Variants in CELSR3 observed in about 807,000 individuals in gnomAD.
CELSR3 encodes EGF-like protein 1.
In CELSR3, 73 loss-of-function variants were observed where a neutral mutation model predicts 270.0. The ratio of observed to expected loss-of-function variants is 0.27; its 90% confidence interval spans 0.22 to 0.33. The LOEUF (loss-of-function observed/expected upper bound fraction) is 0.33. CELSR3 is among the 10% of genes least tolerant of loss of function. CELSR3 has a pLI of 1.00. For missense variants in CELSR3, 3,614 were observed against 4,533.8 expected, an observed-to-expected ratio of 0.80 and a Z score of 5.83; for synonymous variants, 1,780 against 1,905.4, an observed-to-expected ratio of 0.93 and a Z score of 1.71.
In CELSR3 at chr3:48,650,433, A is replaced by AGGGGGGGGGGGGGGGGGGGGGGGGG; in HGVS notation, c.6472+46_6472+47insCCCCCCCCCCCCCCCCCCCCCCCCC. 6.5e-6 allele frequency: 6 copies of AGGGGGGGGGGGGGGGGGGGGGGGGG among 927,816 alleles called. No individual in the cohort carries two copies. Among genetic ancestry groups the AGGGGGGGGGGGGGGGGGGGGGGGGG allele is most frequent in the Non-Finnish European group, 8.4e-6 (5 of 598,392 alleles). 57.5% of individuals were successfully genotyped at this position (927,816 alleles called of 1,614,324 possible). Reference sequence around the variant, plus strand: ...GACATGGCTCTAGCAGTCAGAGTACAGGCCCACCCCCACCCTCAGTGATGT... The same window carrying AGGGGGGGGGGGGGGGGGGGGGGGGG: ...GACATGGCTCTAGCAGTCAGAGTACAGGGGGGGGGGGGGGGGGGGGGGGGGGGCCCACCCCCACCCTCAGTGATGT... On this transcript the variant is annotated intron_variant, in intron 16 of 34. Coordinates refer to ENST00000164024, the MANE Select transcript of CELSR3 (RefSeq NM_001407.3). This position sits in a 1 kb window ranked among gnomAD's most constrained non-coding sequence, Gnocchi z 5.1.
At position 48,653,754 on chromosome 3, in the gene CELSR3, G is replaced by T. The variant is rs756759591; in HGVS notation, c.5313C>A (p.Gly1771=). ...CACTTCCAAAGTTCCAGCTCAGTGT[G>T]CCGTTGCCACGGAAATGGTGGGGAT... ...MAHPHHFRGN[G]TLSWNFGSDM... The change falls in exon 9 of 35, where the codon GGC becomes GGA. Residue 1771 remains glycine (G), a synonymous_variant. Coordinates refer to ENST00000164024, the MANE Select transcript of CELSR3 (RefSeq NM_001407.3). This position sits in a 1 kb window ranked among gnomAD's most constrained non-coding sequence, Gnocchi z 6.5. The T allele has an allele frequency of 6.2e-7, 1 of 1,614,200 alleles. No homozygotes were observed. The highest frequency in any genetic ancestry group is 2.2e-5 in the East Asian group (1 of 44,892).
Position 48,651,193 on chromosome 3 carries a change from C to T in CELSR3, c.6187-118G>A, listed in dbSNP as rs888490830. 12 of 1,436,856 alleles carry T rather than the reference C, an allele frequency of 8.4e-6. No individual in the cohort carries two copies. Among genetic ancestry groups the T allele is most frequent in the Admixed American group, 5.8e-5 (3 of 51,322 alleles). The allele number at this position is 1,436,856 out of a possible 1,614,324, so 89.0% of individuals were successfully genotyped here. ...TGGGCCAGAGGACACCTGGGTCATG[C>T]GTGAAGCCAAGGGAGGGGTCACGGG... On this transcript the variant is annotated intron_variant, in intron 14 of 34. Transcript: ENST00000164024. This position sits in a 1 kb window ranked among gnomAD's most constrained non-coding sequence, Gnocchi z 7.4.
In CELSR3 at chr3:48,656,768, T is replaced by A. The variant is rs746146160; in HGVS notation, c.4329A>T (p.Pro1443=). ...GCGCGCAGGCTCCGCCGTTGCGACA[T>A]GGGTTGGAGTAGCAGAGGTCGAGCT... ...ETELDLCYSN[P]CRNGGACARR... Residue 1443 remains proline (P), a synonymous_variant, in exon 2 of 35, where the codon CCA becomes CCT. Coordinates refer to ENST00000164024, the MANE Select transcript of CELSR3 (RefSeq NM_001407.3). The A allele has an allele frequency of 1.9e-6, 3 of 1,562,972 alleles. No homozygotes were observed. Among genetic ancestry groups the A allele is most frequent in the Non-Finnish European group, 2.6e-6 (3 of 1,154,868 alleles).
chr3:48,640,433 T>A lies in CELSR3; in HGVS notation c.9152A>T (p.Tyr3051Phe). ...AVPAASYGRI[Y>F]AGGGTGSLSQ... The stretch of plus-strand genomic sequence containing the variant: ...AAGGCTGCCCGTGCCCCCGCCAGCA[T>A]AGATGCGACCGTAAGAGGCAGCTGG... The change falls in exon 34 of 35, where the codon TAT (tyrosine) becomes TTT (phenylalanine). Residue 3051 changes from tyrosine (Y) to phenylalanine (F), a missense_variant. This residue lies in a region of CELSR3 where 1,240 missense variants were observed against 1,351.7 expected (regional missense o/e 0.92). Coordinates refer to ENST00000164024, the MANE Select transcript of CELSR3 (RefSeq NM_001407.3). This position sits in a 1 kb window ranked among gnomAD's most constrained non-coding sequence, Gnocchi z 7.5. 1 of 1,612,562 alleles carries A rather than the reference T, an allele frequency of 6.2e-7. No individual in the cohort carries two copies. The highest frequency in any genetic ancestry group is 1.1e-5 in the South Asian group (1 of 91,072).
chr3:48,643,152 G>A (rs1033017541), intron 28 of CELSR3, 69 bp from the exon 29 acceptor site: 1 of 1,025,714 alleles, frequency 9.7e-7, no homozygotes, highest in Middle Eastern at 2.1e-4. Flanking sequence ...GTCACTGTGG[G>A]TCAGCAATGG....
chr3:48,656,297 A>G lies in CELSR3; in HGVS notation c.4468T>C (p.Cys1490Arg). Residue 1490 changes from cysteine to arginine, a missense_variant, in exon 3 of 35, where the codon TGC becomes CGC. Around this residue, in one of 7 missense-constraint regions of CELSR3, gnomAD observed 1,331 missense variants for 1,933.7 expected, o/e 0.69. Transcript: ENST00000164024. ...AAGCCGCCGTTGGGCGCGTCGGTGC[A>G]GGTGCCCCCGTTGCGGCAGACGCCC... is the stretch of plus-strand genomic sequence containing the variant. ...VPGVCRNGGT[C>R]TDAPNGGFRC... 1.3e-6 allele frequency: 2 copies of G among 1,511,642 alleles called. No individual in the cohort carries two copies. Among genetic ancestry groups the G allele is most frequent in the Non-Finnish European group, 1.8e-6 (2 of 1,138,354 alleles). The allele number at this position is 1,511,642 out of a possible 1,614,324, so 93.6% of individuals were successfully genotyped here.
rs1246739773 is a variant in CELSR3, at chr3:48,662,702, TCGGGCCCCCTCC to T, written c.-80_-69del. 8.1e-6 allele frequency: 5 copies of T among 617,582 alleles called. No homozygotes were observed. The Admixed American group carries it at 2.8e-4, about 35-fold the overall frequency. The allele number at this position is 617,582 out of a possible 1,614,324, so 38.3% of individuals were successfully genotyped here. A position where few individuals can be genotyped will look rare whatever the true frequency, so the allele number is the denominator to read the frequency against. On this transcript the variant is annotated 5_prime_UTR_variant, in exon 1 of 35. Transcript: ENST00000164024. This position sits in a 1 kb window ranked among gnomAD's most constrained non-coding sequence, Gnocchi z 7.1. Reference sequence around the variant, plus strand: ...CCGGGCCTTGGGCTGGCCCCGCCGCTCGGGCCCCCTCCCGGGCCCCTGCCGCCGCCCCGGGCC... The same window carrying T: ...CCGGGCCTTGGGCTGGCCCCGCCGCTCGGGCCCCTGCCGCCGCCCCGGGCC...
rs766771205 is a variant in CELSR3, at chr3:48,646,042, C to T, written c.7463+48G>A. On this transcript the variant is annotated intron_variant, in intron 22 of 34. Transcript: ENST00000164024. This position sits in a 1 kb window ranked among gnomAD's most constrained non-coding sequence, Gnocchi z 4.8. Reference sequence around the variant, plus strand: ...GGGAAGGCTGGGACTATTAGTTGGCCTCCCAAGGGCTAACGGGACCAAGGG... The same window carrying T: ...GGGAAGGCTGGGACTATTAGTTGGCTTCCCAAGGGCTAACGGGACCAAGGG... The T allele has an allele frequency of 1.2e-6, 2 of 1,600,304 alleles. No individual in the cohort carries two copies. The highest frequency in any genetic ancestry group is 1.1e-5 in the South Asian group (1 of 90,590).
At position 48,656,512 on chromosome 3, in the gene CELSR3, C is replaced by G. The variant is rs1049337813; in HGVS notation, c.4400-147G>C. 11 of 1,136,886 alleles carry G rather than the reference C, an allele frequency of 9.7e-6. No homozygotes were observed. In the Middle Eastern group the frequency reaches 9.2e-4, roughly 95 times the overall value. 70.4% of individuals were successfully genotyped at this position (1,136,886 alleles called of 1,614,324 possible). A position where few individuals can be genotyped will look rare whatever the true frequency, so the allele number is the denominator to read the frequency against. On this transcript the variant is annotated intron_variant, in intron 2 of 34. Transcript: ENST00000164024. The stretch of plus-strand genomic sequence containing the variant: ...GACACGCCCCTTCCGTCTGGCCCCG[C>G]CCCCTCCCCAGTCTCATCGCTGCCT...
At chr3:48,643,448 C>A in intron 28 of CELSR3, 106 bp downstream of exon 28, 1 of 1,423,082 alleles carries the variant, frequency 7.0e-7, no homozygotes, top group Non-Finnish European at 9.4e-7. Flanking sequence ...GCAAAGTTAT[C>A]CAGTAAGAGT....
Position 48,644,338 on chromosome 3 carries a change from GAGAGAGAGAGAGAGAGGCAATGAGAGAC to G in CELSR3, c.8086-71_8086-44del. On this transcript the variant is annotated intron_variant, in intron 26 of 34. Transcript: ENST00000164024. The surrounding 1 kb of genome is among the most constrained non-coding windows in gnomAD (Gnocchi z 4.8). ...CATGTGGGGCCGGGCAGGGCAGAGAGAGAGAGAGAGAGAGAGGCAATGAGAGACAGAGAGAGACTAAGATTCACGGAGA... is the reference window on the plus strand; with the variant it reads ...CATGTGGGGCCGGGCAGGGCAGAGAGAGAGAGAGACTAAGATTCACGGAGA... The G allele has an allele frequency of 7.1e-7, 1 of 1,405,812 alleles. No individual in the cohort carries two copies. Among genetic ancestry groups the G allele is most frequent in the Non-Finnish European group, 9.8e-7 (1 of 1,016,328 alleles). 87.1% of individuals were successfully genotyped at this position (1,405,812 alleles called of 1,614,324 possible). A position where few individuals can be genotyped will look rare whatever the true frequency, so the allele number is the denominator to read the frequency against.
In CELSR3 at chr3:48,646,350, G is replaced by C; in HGVS notation, c.7296-93C>G. On this transcript the variant is annotated intron_variant, in intron 21 of 34. Transcript: ENST00000164024. The surrounding 1 kb of genome is among the most constrained non-coding windows in gnomAD (Gnocchi z 4.8). ...CGTCTTCATGCCACTCGCCAGGGCTGACCCAGGGTCTGGGATGTCCCCAGA... is the reference window on the plus strand; with the variant it reads ...CGTCTTCATGCCACTCGCCAGGGCTCACCCAGGGTCTGGGATGTCCCCAGA... 7.3e-7 allele frequency: 1 copy of C among 1,361,542 alleles called. No individual in the cohort carries two copies. Among genetic ancestry groups the C allele is most frequent in the Non-Finnish European group, 9.9e-7 (1 of 1,006,184 alleles). The allele number at this position is 1,361,542 out of a possible 1,614,324, so 84.3% of individuals were successfully genotyped here.
chr3:48,648,547 G>T, intron 18 of CELSR3, 86 bp from the exon 19 acceptor site: 1 of 1,408,040 alleles, frequency 7.1e-7, no homozygotes, highest in Non-Finnish European at 9.4e-7. Flanking sequence ...CTGGACAGGT[G>T]CTCAGAGGGG....
Position 48,645,134 on chromosome 3 carries a change from GC to G in CELSR3, c.7872del (p.Leu2625CysfsTer70). On this transcript the variant is annotated frameshift_variant, in exon 25 of 35. Coordinates refer to ENST00000164024, the MANE Select transcript of CELSR3 (RefSeq NM_001407.3). LOFTEE classifies it high-confidence loss of function. The surrounding 1 kb of genome is among the most constrained non-coding windows in gnomAD (Gnocchi z 5.4). ...TCAACCTGCATGCGGTAGAGGTGCA[GC>G]CCCTGCACGAAGAGCCACGCGAAGG... is the stretch of plus-strand genomic sequence containing the variant. ...LSTFAWLFVQ[G>X]LHLYRMQVEP... 6.2e-7 allele frequency: 1 copy of G among 1,601,702 alleles called. No individual in the cohort carries two copies. Among genetic ancestry groups the G allele is most frequent in the Non-Finnish European group, 8.5e-7 (1 of 1,170,720 alleles).
rs555153002 is a variant in CELSR3, at chr3:48,654,179, G to A, written c.5152+110C>T. ...GGCCCTAAAATCTGGGCTGTAGCAT[G>A]GTGCTTGCCACCAAAGGAGACTGGC... On this transcript the variant is annotated intron_variant, in intron 7 of 34. Coordinates refer to ENST00000164024, the MANE Select transcript of CELSR3 (RefSeq NM_001407.3). The surrounding 1 kb of genome is among the most constrained non-coding windows in gnomAD (Gnocchi z 5.4). The A allele has an allele frequency of 1.3e-6, 2 of 1,522,318 alleles. No individual in the cohort carries two copies. Among genetic ancestry groups the A allele is most frequent in the African/African-American group, 2.8e-5 (2 of 72,476 alleles). The allele number at this position is 1,522,318 out of a possible 1,614,324, so 94.3% of individuals were successfully genotyped here. A position where few individuals can be genotyped will look rare whatever the true frequency, so the allele number is the denominator to read the frequency against.
In CELSR3 at chr3:48,643,008, T is replaced by C. The variant is rs771228421; in HGVS notation, c.8365A>G (p.Arg2789Gly). ...RAAWMPACLGRKAAPEEARPA... is the reference protein window; with the variant it reads ...RAAWMPACLGGKAAPEEARPA... ...CTTGCCTCCTCAGGCGCTGCCTTCC[T>C]GCCCAGACAGGCTGGCATCCAGGCA... The change falls in exon 29 of 35, where the codon AGG becomes GGG. Residue 2789 changes from arginine to glycine, a missense_variant. Physicochemically the swap from Arg to Gly is moderately radical, Grantham distance 125. Transcript: ENST00000164024. The C allele has an allele frequency of 2.7e-5, 44 of 1,612,736 alleles. No individual in the cohort carries two copies. The highest frequency in any genetic ancestry group is 3.6e-5 in the Non-Finnish European group (43 of 1,179,920).
At position 48,642,411 on chromosome 3, in the gene CELSR3, T is replaced by C; in HGVS notation, c.8612A>G (p.Gln2871Arg). The change falls in exon 31 of 35, where the codon CAG (glutamine) becomes CGG (arginine). Residue 2871 changes from glutamine to arginine, a missense_variant. Gln to Arg is a conservative substitution (Grantham distance 43). This residue lies in a region of CELSR3 where 1,240 missense variants were observed against 1,351.7 expected (regional missense o/e 0.92). Transcript: ENST00000164024. This position sits in a 1 kb window ranked among gnomAD's most constrained non-coding sequence, Gnocchi z 6.1. ...CAGGTCAGTGGGGCCAGCATGAGCC[T>C]GGAGGCTGTGGTCAGTGTGGTCAGC... ...SAADHTDHSL[Q>R]AHAGPTDLDV... 1 of 1,613,214 alleles carries C rather than the reference T, an allele frequency of 6.2e-7. No homozygotes were observed. Among genetic ancestry groups the C allele is most frequent in the South Asian group, 1.1e-5 (1 of 91,080 alleles).
Position 48,653,315 on chromosome 3 carries a change from AC to A in CELSR3, c.5449-129del. 1.2e-6 allele frequency: 1 copy of A among 835,764 alleles called. No individual in the cohort carries two copies. The highest frequency in any genetic ancestry group is 1.9e-6 in the Non-Finnish European group (1 of 535,012). 51.8% of individuals were successfully genotyped at this position (835,764 alleles called of 1,614,324 possible). The stretch of plus-strand genomic sequence containing the variant: ...CAGTGGGGTCAAGGTTATACCTGGC[AC>A]AAAGGGCACTGTGCCAGGGGACATC... On this transcript the variant is annotated intron_variant, in intron 9 of 34. Coordinates refer to ENST00000164024, the MANE Select transcript of CELSR3 (RefSeq NM_001407.3). This position sits in a 1 kb window ranked among gnomAD's most constrained non-coding sequence, Gnocchi z 6.5.
In CELSR3 at chr3:48,657,073, C is replaced by T. The variant is rs765028758; in HGVS notation, c.4024G>A (p.Ala1342Thr). Residue 1342 changes from alanine to threonine, a missense_variant, in exon 2 of 35, where the codon GCT becomes ACT. By Grantham distance (58) the Ala-to-Thr change is moderately conservative. Coordinates refer to ENST00000164024, the MANE Select transcript of CELSR3 (RefSeq NM_001407.3). This position sits in a 1 kb window ranked among gnomAD's most constrained non-coding sequence, Gnocchi z 5.4. ...ALAPRGAGAG[A>T]AGPWFSSEEL... ...TCGGAGCTGAACCAGGGCCCTGCAG[C>T]GCCCGCCCCGGCCCCACGTGGAGCT... 8.1e-6 allele frequency: 13 copies of T among 1,613,666 alleles called. No individual in the cohort carries two copies. The highest frequency in any genetic ancestry group is 2.2e-5 in the East Asian group (1 of 44,890).
Sources: gnomAD v4.1 joint callset for allele counts on GRCh38, gnomAD v4.1.1 for gene constraint, gnomAD v4.1.1 regional missense constraint, Gnocchi (gnomAD v3.1) non-coding constraint, MANE v1.5 for transcripts, NCBI Gene and HGNC (gene_info 2026-07-23, HGNC 2026-07-21) for gene names.